APBB2: variants seen among roughly 807,000 people sequenced by gnomAD.
APBB2 encodes Fe65-like 1.
In APBB2, 38 loss-of-function variants were observed where a neutral mutation model predicts 82.5. That is an observed-to-expected ratio of 0.46 (90% confidence interval 0.36 to 0.60). APBB2 has a LOEUF of 0.60. Among genes scored for constraint, APBB2 ranks in the 20% least tolerant of loss-of-function variants. The pLI is 0.00. For synonymous variants in APBB2, 341 were observed against 368.2 expected (o/e 0.93, Z 0.85); for missense variants, 772 against 972.3 (o/e 0.79, Z 2.74).
rs150527764 is a variant in APBB2, at chr4:41,101,470, C to CAAAAAAAAAA, written c.-260-730_-260-721dup. Among the ~76,000 whole-genome samples, 103 of 72,518 alleles carry CAAAAAAAAAA rather than the reference C, an allele frequency of 1.4e-3. 3 individuals carry two copies. The highest frequency in any genetic ancestry group is 2.4e-3 in the South Asian group (3 of 1,232). The allele number at this position is 72,518 out of a possible 152,430, so 47.6% of individuals were successfully genotyped here. A position where few individuals can be genotyped will look rare whatever the true frequency, so the allele number is the denominator to read the frequency against. ...TGGGCGACAGAGCGAGACTCCGTCTCAAAAAAAAAAAAAAAAAAAAAAAAA... is the reference window on the plus strand; with the variant it reads ...TGGGCGACAGAGCGAGACTCCGTCTCAAAAAAAAAAAAAAAAAAAAAAAAAAAAAAAAAAA... On this transcript the variant is annotated intron_variant, in intron 2 of 17. Transcript: ENST00000508593.
At chr4:41,064,030 G>A (rs1730780734) in intron 4 of APBB2, among the ~76,000 whole-genome samples, 1 of 142,556 alleles carries the variant, frequency 7.0e-6, no homozygotes, top group South Asian at 2.3e-4. Context: ...CCAGGCTGGA[G>A]TGCAGTGGCG....
intron 10 of APBB2, among the ~76,000 whole-genome samples, chr4:40,906,045 A>G (rs1378411375): frequency 3.3e-5 from 5 of 152,330 alleles, no homozygotes; most frequent in Non-Finnish European, 7.3e-5. Context: ...GTGTAGCATT[A>G]AAGTCATGAC....
chr4:41,038,246 A>G (rs1199502411), intron 4 of APBB2, among the ~76,000 whole-genome samples: 3 of 152,126 alleles, frequency 2.0e-5, no homozygotes, highest in African/African-American at 4.8e-5. Context: ...AGATAAATAA[A>G]TAAAATGCCC....
At chr4:41,089,584 A>C (rs537504168) in intron 3 of APBB2, among the ~76,000 whole-genome samples, 2 of 152,324 alleles carry the variant, frequency 1.3e-5, no homozygotes, top group African/African-American at 4.8e-5. Context: ...GGAGTTAACA[A>C]AAATTCTATT....
At chr4:41,174,962 G>A (rs554742882) in intron 1 of APBB2, among the ~76,000 whole-genome samples, 24 of 152,206 alleles carry the variant, frequency 1.6e-4, no homozygotes, top group African/African-American at 7.2e-5. Flanking sequence ...TATCCTGAGC[G>A]TTCCAGAATT....
chr4:41,058,349 TTTCATTTCTTTC>T (rs1410303469), intron 4 of APBB2, among the ~76,000 whole-genome samples: 1 of 151,232 alleles, frequency 6.6e-6, no homozygotes, highest in East Asian at 1.9e-4. Context: ...ACTATTGAAA[TTTCATTTCTTTC>T]TTCAGTGAAA....
At chr4:40,920,765 G>A (rs951968109) in intron 10 of APBB2, among the ~76,000 whole-genome samples, 3 of 152,226 alleles carry the variant, frequency 2.0e-5, no homozygotes, top group Non-Finnish European at 4.4e-5. Flanking sequence ...CAGCTAGTCA[G>A]GAGGCTGAGG....
chr4:41,033,171 A>G (rs1028388380), intron 5 of APBB2, 65 bp downstream of exon 5: 2 of 1,012,866 alleles, frequency 2.0e-6, no homozygotes, highest in Non-Finnish European at 1.5e-6. Context: ...ATTAAACATT[A>G]TCTTTTTTTA....
chr4:40,976,497 G>A (rs6830108), intron 6 of APBB2, among the ~76,000 whole-genome samples: 58,677 of 151,946 alleles, frequency 0.39, 12,351 homozygotes, highest in East Asian at 0.71. Context: ...TTTAGTTAAG[G>A]GACTGGAGAC....
chr4:40,902,497 T>C (rs538543706), intron 10 of APBB2, among the ~76,000 whole-genome samples: 17 of 152,232 alleles, frequency 1.1e-4, no homozygotes, highest in Admixed American at 1.0e-3. Flanking sequence ...CTGAATGACT[T>C]GTGAAAGTGA....
In APBB2 at chr4:40,870,253, C is replaced by A. The variant is rs185484171; in HGVS notation, c.1529+20111G>T. Among the ~76,000 whole-genome samples the A allele has an allele frequency of 5.5e-3, 840 of 152,342 alleles. 8 individuals carry two copies. Among genetic ancestry groups the A allele is most frequent in the African/African-American group, 0.02 (812 of 41,580 alleles). On this transcript the variant is annotated intron_variant, in intron 12 of 17. Transcript: ENST00000508593. ...TCTGCCTCCAGCCCACTGTGCCCAC[C>A]ACTGCCAGTGCAGATGAGGGAGGGC...
chr4:41,208,234 C>T (rs767235762), intron 1 of APBB2, among the ~76,000 whole-genome samples: 21 of 152,136 alleles, frequency 1.4e-4, no homozygotes, highest in African/African-American at 4.1e-4. Context: ...CTTAAACACA[C>T]GTTTTTCCTT....
intron 1 of APBB2, among the ~76,000 whole-genome samples, chr4:41,151,117 T>C (rs7688017): frequency 0.37 from 56,527 of 151,940 alleles, 12,534 homozygotes; most frequent in African/African-American, 0.63. Context: ...TACATTTTCA[T>C]ACAGGTAATC....
chr4:41,159,724 G>A (rs1359420443), intron 1 of APBB2, among the ~76,000 whole-genome samples: 2 of 151,824 alleles, frequency 1.3e-5, no homozygotes, highest in African/African-American at 2.4e-5. Flanking sequence ...AAAGGGATGT[G>A]AATAGTCTAT....
intron 13 of APBB2, among the ~76,000 whole-genome samples, chr4:40,828,978 T>A (rs181939022): frequency 4.0e-3 from 610 of 152,114 alleles, no homozygotes; most frequent in Middle Eastern, 0.014. Context: ...TCAGGAAGAA[T>A]TGTGGGAGTG....
At chr4:40,870,350 C>T (rs567135434) in intron 12 of APBB2, among the ~76,000 whole-genome samples, 1 of 152,124 alleles carries the variant, frequency 6.6e-6, no homozygotes, top group East Asian at 1.9e-4. Flanking sequence ...GGGACCCGTG[C>T]CAAGCCCTCT....
At chr4:40,899,059 G>A (rs1774530460) in intron 10 of APBB2, among the ~76,000 whole-genome samples, 1 of 152,142 alleles carries the variant, frequency 6.6e-6, no homozygotes, top group Admixed American at 6.5e-5. Context: ...TGGTTCCTCA[G>A]ACTGAAAGTA....
chr4:41,014,824 G>A (rs992719911), intron 5 of APBB2, among the ~76,000 whole-genome samples: 1 of 152,140 alleles, frequency 6.6e-6, no homozygotes, highest in Non-Finnish European at 1.5e-5. Flanking sequence ...TTCCTCTGGG[G>A]CTTCAGCTTT....
chr4:41,114,461 G>A (rs1750273541), intron 2 of APBB2, among the ~76,000 whole-genome samples: 1 of 152,196 alleles, frequency 6.6e-6, no homozygotes, highest in African/African-American at 2.4e-5. Flanking sequence ...AGTATTGAAA[G>A]TTCTGGTCAG....
Sources: gnomAD v4.1 joint callset for allele counts (sites outside exome capture counted in the v4.1 genomes callset) on GRCh38, gnomAD v4.1.1 for gene constraint, MANE v1.5 for transcripts, NCBI Gene and HGNC (gene_info 2026-07-23, HGNC 2026-07-21) for gene names.